Variants in SUPT5H observed in about 807,000 individuals in gnomAD.
SUPT5H encodes transcription elongation factor SPT5.
A neutral mutation model predicts 142.5 loss-of-function variants in SUPT5H; 24 were observed. The observed-to-expected ratio is 0.17, with a 90% CI of 0.12 to 0.24. The LOEUF (loss-of-function observed/expected upper bound fraction) is 0.24, where lower values mean the gene tolerates loss of function less well. Among genes scored for constraint, SUPT5H ranks in the 10% least tolerant of loss-of-function variants. The pLI, the probability that SUPT5H is intolerant of heterozygous loss-of-function variation, is 1.00. For missense variants in SUPT5H, 893 were observed against 1,471.8 expected, an observed-to-expected ratio of 0.61 and a Z score of 6.43; for synonymous variants, 546 against 553.0, an observed-to-expected ratio of 0.99 and a Z score of 0.18.
intron 10 of SUPT5H, among the ~76,000 whole-genome samples, chr19:39,461,450 T>C (rs2079159906): frequency 1.3e-5 from 2 of 150,992 alleles, no homozygotes; most frequent in Admixed American, 1.3e-4. Flanking sequence ...AATACCAGTA[T>C]TTTGGGAGGC....
Position 39,445,787 on chromosome 19 carries a change from G to A in SUPT5H, c.-87-17G>A, listed in dbSNP as rs2078945026. 1 of 1,395,444 alleles carries A rather than the reference G, an allele frequency of 7.2e-7. No homozygotes were observed. Among genetic ancestry groups the A allele is most frequent in the Non-Finnish European group, 9.9e-7 (1 of 1,009,340 alleles). 86.4% of individuals were successfully genotyped at this position (1,395,444 alleles called of 1,614,324 possible). On this transcript the variant is annotated splice_polypyrimidine_tract_variant and intron_variant, in intron 1 of 29. Coordinates refer to ENST00000432763, the MANE Select transcript of SUPT5H (RefSeq NM_001111020.3). ...ACGAGCCTGCCGGAAGCGCCCTAAG[G>A]GGTTTTCTTCTCCCAGGGAACCAGC...
At chr19:39,465,115 G>C (rs1213467811) in intron 11 of SUPT5H, 66 bp downstream of exon 11, 2 of 1,551,962 alleles carry the variant, frequency 1.3e-6, no homozygotes, top group East Asian at 2.3e-5. Flanking sequence ...CTTTCCTTTT[G>C]TCCTTCCCAC....
In SUPT5H at chr19:39,453,340, T is replaced by A; in HGVS notation, c.76-16T>A. 2 of 1,588,878 alleles carry A rather than the reference T, an allele frequency of 1.3e-6. No homozygotes were observed. The highest frequency in any genetic ancestry group is 1.7e-6 in the Non-Finnish European group (2 of 1,166,410). ...TAGCAGAATTCTGGTGCTACAACCC[T>A]GCCTGACCCCTGTAGGTAGACGAAG... is the stretch of plus-strand genomic sequence containing the variant. On this transcript the variant is annotated splice_polypyrimidine_tract_variant and intron_variant, in intron 2 of 29. Coordinates refer to ENST00000432763, the MANE Select transcript of SUPT5H (RefSeq NM_001111020.3).
chr19:39,466,596 G>C lies in SUPT5H; in HGVS notation c.966+27G>C, dbSNP rs4803243. The C allele has an allele frequency of 2.1e-3, 3,334 of 1,613,618 alleles. 108 individuals are homozygous for C. The Admixed American group carries it at 0.052, about 25-fold the overall frequency. ...TACTCAGGGGAATCTGTGGCCTGGG[G>C]GGGAGGGAGTGTGCTCGATCCCACT... is the stretch of plus-strand genomic sequence containing the variant. On this transcript the variant is annotated intron_variant, in intron 12 of 29. Transcript: ENST00000432763. This position sits in a 1 kb window ranked among gnomAD's most constrained non-coding sequence, Gnocchi z 4.3.
intron 10 of SUPT5H, among the ~76,000 whole-genome samples, chr19:39,461,253 G>A (rs2079157248): frequency 6.6e-6 from 1 of 152,020 alleles, no homozygotes; most frequent in African/African-American, 2.4e-5. Flanking sequence ...CTGCGCTATT[G>A]CACTCCAGCC....
chr19:39,461,163 G>A (rs1164523086), intron 10 of SUPT5H, among the ~76,000 whole-genome samples: 1 of 151,968 alleles, frequency 6.6e-6, no homozygotes, highest in South Asian at 2.1e-4. Context: ...GGTGGTGCTT[G>A]ACTGTAATCC....
Position 39,476,352 on chromosome 19 carries a change from C to T in SUPT5H, c.3217C>T (p.Leu1073Phe). The stretch of plus-strand genomic sequence containing the variant: ...TGTCCGTATGGACCTTGATGAGCAG[C>T]TCAAGATCCTCAACCTCCGCTTCCT... The part of the protein sequence containing the change: ...GIVRMDLDEQ[L>F]KILNLRFLGK... Residue 1073 changes from leucine (L) to phenylalanine (F), a missense_variant, in exon 30 of 30, where the codon CTC becomes TTC. By Grantham distance (22) the Leu-to-Phe change is conservative. This residue lies in a region of SUPT5H where 336 missense variants were observed against 546.5 expected (regional missense o/e 0.61). Transcript: ENST00000432763. 1 of 1,614,148 alleles carries T rather than the reference C, an allele frequency of 6.2e-7. No individual in the cohort carries two copies. The highest frequency in any genetic ancestry group is 8.5e-7 in the Non-Finnish European group (1 of 1,180,026).
intron 3 of SUPT5H, among the ~76,000 whole-genome samples, 172 bp from the exon 4 acceptor site, chr19:39,457,503 G>A (rs769353298): frequency 2.0e-5 from 3 of 152,158 alleles, no homozygotes; most frequent in East Asian, 1.9e-4. Context: ...ATCCTGATGC[G>A]TGCACCAGCT....
At position 39,472,955 on chromosome 19, in the gene SUPT5H, T is replaced by G; in HGVS notation, c.2155+26T>G. ...GTGACCTGCGAGGCCTGTGGAGGCC[T>G]GGGGAGGGGCATGGTGAAGGAGAGC... On this transcript the variant is annotated intron_variant, in intron 22 of 29. Transcript: ENST00000432763. This position sits in a 1 kb window ranked among gnomAD's most constrained non-coding sequence, Gnocchi z 4.2. The G allele has an allele frequency of 1.9e-6, 3 of 1,611,620 alleles. No homozygotes were observed. The highest frequency in any genetic ancestry group is 1.7e-6 in the Non-Finnish European group (2 of 1,178,376).
intron 13 of SUPT5H, 76 bp from the exon 14 acceptor site, chr19:39,468,680 G>A (rs1055890432): frequency 1.5e-6 from 2 of 1,329,212 alleles, no homozygotes; most frequent in Non-Finnish European, 1.1e-6. Flanking sequence ...TCTGTTGCCA[G>A]CTGAGAAGAC....
chr19:39,470,289 G>T lies in SUPT5H; in HGVS notation c.1530+15G>T. 6.4e-7 allele frequency: 1 copy of T among 1,557,532 alleles called. No individual in the cohort carries two copies. On this transcript the variant is annotated intron_variant, in intron 17 of 29. Transcript: ENST00000432763. This position sits in a 1 kb window ranked among gnomAD's most constrained non-coding sequence, Gnocchi z 5.8. ...CCATGCATGAGGTAGGTGGATAGAA[G>T]GGTCGGGGAAGGGTGCACGTGCCAA...
chr19:39,455,166 A>G (rs2079071229), intron 3 of SUPT5H, among the ~76,000 whole-genome samples: 1 of 152,214 alleles, frequency 6.6e-6, no homozygotes, highest in Non-Finnish European at 1.5e-5. Flanking sequence ...CTGGTTAAAC[A>G]AATTATGGGC....
Position 39,458,098 on chromosome 19 carries a change from C to A in SUPT5H, c.308-196C>A. 1.1e-6 allele frequency: 1 copy of A among 925,276 alleles called. No individual in the cohort carries two copies. The highest frequency in any genetic ancestry group is 1.6e-6 in the Non-Finnish European group (1 of 628,082). 57.3% of individuals were successfully genotyped at this position (925,276 alleles called of 1,614,324 possible). On this transcript the variant is annotated intron_variant, in intron 4 of 29. Coordinates refer to ENST00000432763, the MANE Select transcript of SUPT5H (RefSeq NM_001111020.3). This position sits in a 1 kb window ranked among gnomAD's most constrained non-coding sequence, Gnocchi z 4.2. ...TCCGTTCTGTGCGCCTCATACATTT[C>A]GGCTTCTCCCCAACCACCTGGTGCC...
chr19:39,445,981 G>T lies in SUPT5H; in HGVS notation c.75+16G>T. The T allele has an allele frequency of 6.2e-6, 10 of 1,608,830 alleles. No homozygotes were observed. The highest frequency in any genetic ancestry group is 8.5e-6 in the Non-Finnish European group (10 of 1,178,962). On this transcript the variant is annotated intron_variant, in intron 2 of 29. Transcript: ENST00000432763. Reference sequence around the variant, plus strand: ...GGAGGCCGAGGTCTGTGGCTGGGGCGCTGGGGGAGACATTGCGTCTGGGGA... The same window carrying T: ...GGAGGCCGAGGTCTGTGGCTGGGGCTCTGGGGGAGACATTGCGTCTGGGGA...
At chr19:39,471,925 C>A in intron 20 of SUPT5H, 195 bp downstream of exon 20, 1 of 857,018 alleles carries the variant, frequency 1.2e-6, no homozygotes, top group South Asian at 2.0e-5. Flanking sequence ...GTTATTTATT[C>A]ATTTCATTTT....
intron 13 of SUPT5H, 174 bp from the exon 14 acceptor site, chr19:39,468,582 G>T (rs990039209): frequency 4.9e-6 from 3 of 608,458 alleles, no homozygotes; most frequent in Admixed American, 2.8e-5. Context: ...GAGGTGGGAG[G>T]CGGGCCTTTG....
At chr19:39,475,981 G>A in intron 28 of SUPT5H, 100 bp from the exon 29 acceptor site, 3 of 1,132,892 alleles carry the variant, frequency 2.6e-6, no homozygotes, top group South Asian at 2.9e-5. Context: ...ATTTCACCTT[G>A]AGTTCTCAGA....
rs2304217 is a variant in SUPT5H at position 39,464,893 on chromosome 19, G to C, written c.720G>C (p.Glu240Asp). Residue 240 changes from glutamate (E) to aspartate (D), a missense_variant, in exon 11 of 30, where the codon GAG (glutamate) becomes GAC (aspartate). By Grantham distance (45) the Glu-to-Asp change is conservative. Coordinates refer to ENST00000432763, the MANE Select transcript of SUPT5H (RefSeq NM_001111020.3). ...YKQTHVKQAI[E>D]GVGNLRLGYW... ...AGACCCACGTGAAGCAGGCCATTGAGGGGGTGGGCAACCTGCGGCTTGGCT... is the reference window on the plus strand; with the variant it reads ...AGACCCACGTGAAGCAGGCCATTGACGGGGTGGGCAACCTGCGGCTTGGCT... 6.2e-7 allele frequency: 1 copy of C among 1,613,986 alleles called. No homozygotes were observed. The highest frequency in any genetic ancestry group is 1.7e-5 in the Admixed American group (1 of 59,994).
At chr19:39,447,008 T>C (rs967847166) in intron 2 of SUPT5H, among the ~76,000 whole-genome samples, 1 of 151,652 alleles carries the variant, frequency 6.6e-6, no homozygotes, top group African/African-American at 2.4e-5. Context: ...CTCCGTCTTA[T>C]AAAAATATTA....
Sources: allele counts gnomAD v4.1 joint callset (sites outside exome capture counted in the v4.1 genomes callset), GRCh38; gene constraint gnomAD v4.1.1; regional missense constraint gnomAD v4.1.1; non-coding constraint Gnocchi (gnomAD v3.1); transcripts MANE v1.5; gene names NCBI Gene and HGNC (gene_info 2026-07-23, HGNC 2026-07-21).